ZFYVE28: variants seen among roughly 807,000 people sequenced by gnomAD.
ZFYVE28 encodes lateral signaling target protein 2 homolog.
In ZFYVE28, 40 loss-of-function variants were observed where a neutral mutation model predicts 82.1. The observed-to-expected ratio is 0.49, with a 90% CI of 0.38 to 0.63. The LOEUF (loss-of-function observed/expected upper bound fraction) is 0.63. Ranked by LOEUF, ZFYVE28 falls within the 30% of genes least tolerant of loss-of-function variation. The pLI is 0.00. For missense variants in ZFYVE28, 1,321 were observed against 1,242.1 expected, an observed-to-expected ratio of 1.06 and a Z score of -0.96; for synonymous variants, 612 against 546.1, an observed-to-expected ratio of 1.12 and a Z score of -1.68.
intron 1 of ZFYVE28, among the ~76,000 whole-genome samples, chr4:2,375,791 C>A (rs142230387): frequency 0.013 from 2,022 of 152,328 alleles, 20 homozygotes; most frequent in Middle Eastern, 0.034. Context: ...GCGATTGGAG[C>A]CCCAGATTTC....
At chr4:2,319,550 C>T (rs1416552717) in intron 7 of ZFYVE28, among the ~76,000 whole-genome samples, 2 of 152,152 alleles carry the variant, frequency 1.3e-5, no homozygotes, top group African/African-American at 4.8e-5. Context: ...CCAAGCTGTC[C>T]CAGGCCACAG....
At chr4:2,364,457 C>G in intron 1 of ZFYVE28, 6 of 985,488 alleles carry the variant, frequency 6.1e-6, no homozygotes, top group Non-Finnish European at 7.2e-6. Flanking sequence ...GGCAGCTTTA[C>G]GTTCAATTCA....
At chr4:2,353,515 G>A (rs916785956) in intron 2 of ZFYVE28, among the ~76,000 whole-genome samples, 3 of 152,148 alleles carry the variant, frequency 2.0e-5, no homozygotes, top group South Asian at 2.1e-4. Flanking sequence ...TATTTTTAGC[G>A]GCAGCTTCCA....
chr4:2,304,566 C>G lies in ZFYVE28; in HGVS notation c.1774G>C (p.Gly592Arg). The change falls in exon 8 of 13, where the codon GGT (glycine) becomes CGT (arginine). Residue 592 changes from glycine to arginine, a missense_variant. Gly to Arg is a moderately radical substitution (Grantham distance 125). Coordinates refer to ENST00000290974, the MANE Select transcript of ZFYVE28 (RefSeq NM_020972.3). ...GCTAAGCCGGCAGCGTACGAGGCAC[C>G]AATGACGCCTCCCGGGCTGCACTTC... is the stretch of plus-strand genomic sequence containing the variant. ...REKCSPGGVI[G>R]ASYAAGLAKA... 1 of 1,612,682 alleles carries G rather than the reference C, an allele frequency of 6.2e-7. No homozygotes were observed. Among genetic ancestry groups the G allele is most frequent in the African/African-American group, 1.3e-5 (1 of 75,066 alleles).
Position 2,353,991 on chromosome 4 carries a change from T to A in ZFYVE28, c.122A>T (p.Asp41Val). ...NQVAAELDSL[D>V]GRKDPQRCTL... ...GCACCGCTGGGGGTCCTTCCGCCCA[T>A]CCAGGCTGTCCAGCTCCGCGGCCAC... The change falls in exon 2 of 13, where the codon GAT becomes GTT. Residue 41 changes from aspartate (D) to valine (V), a missense_variant. This residue lies in a region of ZFYVE28 where 343 missense variants were observed against 408.4 expected (regional missense o/e 0.84). Coordinates refer to ENST00000290974, the MANE Select transcript of ZFYVE28 (RefSeq NM_020972.3). 6.3e-7 allele frequency: 1 copy of A among 1,586,582 alleles called. No homozygotes were observed. The highest frequency in any genetic ancestry group is 1.2e-5 in the South Asian group (1 of 86,816).
chr4:2,283,386 C>CAT (rs1712233971), intron 8 of ZFYVE28, among the ~76,000 whole-genome samples: 1 of 132,978 alleles, frequency 7.5e-6, no homozygotes, highest in Non-Finnish European at 1.6e-5. Flanking sequence ...CATCCATCCA[C>CAT]CCATCCACTC....
chr4:2,392,394 A>G (rs1177145105), intron 1 of ZFYVE28, among the ~76,000 whole-genome samples: 1 of 152,196 alleles, frequency 6.6e-6, no homozygotes, highest in Admixed American at 6.5e-5. Flanking sequence ...CTTTATCAGA[A>G]CAAACATGAC....
At position 2,305,206 on chromosome 4, in the gene ZFYVE28, G is replaced by A. The variant is rs780423742; in HGVS notation, c.1134C>T (p.Ser378=). 2 of 1,605,356 alleles carry A rather than the reference G, an allele frequency of 1.2e-6. No homozygotes were observed. Among genetic ancestry groups the A allele is most frequent in the African/African-American group, 1.3e-5 (1 of 74,924 alleles). Residue 378 remains serine (S), a synonymous_variant, in exon 8 of 13, where the codon AGC becomes AGT. Coordinates refer to ENST00000290974, the MANE Select transcript of ZFYVE28 (RefSeq NM_020972.3). ...SPAHRPGAEG[S]PGGEASPGRP... The stretch of plus-strand genomic sequence containing the variant: ...TACCTGGAGAGGCCTCCCCGCCTGG[G>A]CTGCCCTCCGCTCCTGGCCTGTGAG...
At chr4:2,413,889 T>C (rs1578437102) in intron 1 of ZFYVE28, among the ~76,000 whole-genome samples, 1 of 152,172 alleles carries the variant, frequency 6.6e-6, no homozygotes, top group Non-Finnish European at 1.5e-5. Flanking sequence ...CCAAGACCCC[T>C]CCCACAGCCT....
chr4:2,292,396 G>C (rs1210704049), intron 8 of ZFYVE28, among the ~76,000 whole-genome samples: 1 of 152,186 alleles, frequency 6.6e-6, no homozygotes, highest in Non-Finnish European at 1.5e-5. Context: ...TCGAGGGGCA[G>C]ACAGGGACAG....
At chr4:2,407,939 C>G (rs1224175732) in intron 1 of ZFYVE28, among the ~76,000 whole-genome samples, 2 of 152,188 alleles carry the variant, frequency 1.3e-5, no homozygotes, top group African/African-American at 4.8e-5. Context: ...TTACGCATGC[C>G]AGGGAGTGTG....
chr4:2,354,175 C>T, intron 1 of ZFYVE28, 102 bp from the exon 2 acceptor site: 4 of 1,262,868 alleles, frequency 3.2e-6, no homozygotes, highest in East Asian at 3.1e-5. Context: ...CAGCCTGGGA[C>T]CTTCCACCCT....
rs1194601047 is a variant in ZFYVE28, at chr4:2,332,505, T to G, written c.701+3200A>C. Among the ~76,000 whole-genome samples, 1 of 152,144 alleles carries G rather than the reference T, an allele frequency of 6.6e-6. No individual in the cohort carries two copies. The highest frequency in any genetic ancestry group is 1.5e-5 in the Non-Finnish European group (1 of 68,016). ...TGGGGTCCCTGCACTGAGTCCCCCT[T>G]CCAGCATCCAGAACATTCCACAGCA... On this transcript the variant is annotated intron_variant, in intron 6 of 12. Coordinates refer to ENST00000290974, the MANE Select transcript of ZFYVE28 (RefSeq NM_020972.3). The surrounding 1 kb of genome is among the most constrained non-coding windows in gnomAD (Gnocchi z 4.7).
At chr4:2,275,888 C>A (rs544172286) in intron 8 of ZFYVE28, among the ~76,000 whole-genome samples, 1 of 152,252 alleles carries the variant, frequency 6.6e-6, no homozygotes, top group Non-Finnish European at 1.5e-5. Context: ...GGGCAGGATC[C>A]CAAGTCCGCC....
intron 1 of ZFYVE28, among the ~76,000 whole-genome samples, chr4:2,381,971 C>T (rs1728772163): frequency 6.6e-6 from 1 of 152,246 alleles, no homozygotes; most frequent in African/African-American, 2.4e-5. Flanking sequence ...GCTGCTCCAG[C>T]CATGGCTGAA....
intron 8 of ZFYVE28, among the ~76,000 whole-genome samples, chr4:2,302,452 C>T (rs895661702): frequency 6.6e-6 from 1 of 152,222 alleles, no homozygotes; most frequent in African/African-American, 2.4e-5. Flanking sequence ...ACGAGTGGGG[C>T]ATGCCCTAAG....
In ZFYVE28 at chr4:2,304,761, G is replaced by C. The variant is rs763932763; in HGVS notation, c.1579C>G (p.Leu527Val). ...TCCTGGGTGGCGACCGCAGAGTCCA[G>C]GGAAGTGGGCGATTTGGGGTTGAAG... ...VIFNPKSPTS[L>V]DSAVATQEAA... Residue 527 changes from leucine to valine, a missense_variant, in exon 8 of 13, where the codon CTG (leucine) becomes GTG (valine). Transcript: ENST00000290974. 4.3e-6 allele frequency: 7 copies of C among 1,612,594 alleles called. No homozygotes were observed. Among genetic ancestry groups the C allele is most frequent in the Admixed American group, 1.7e-5 (1 of 60,006 alleles).
intron 1 of ZFYVE28, among the ~76,000 whole-genome samples, chr4:2,404,095 C>A (rs181377051): frequency 6.6e-6 from 1 of 151,654 alleles, no homozygotes; most frequent in Non-Finnish European, 1.5e-5. Flanking sequence ...CTGAGACGGG[C>A]GGATCACGAG....
intron 5 of ZFYVE28, 74 bp downstream of exon 5, chr4:2,337,333 C>G: frequency 7.2e-7 from 1 of 1,391,618 alleles, no homozygotes; most frequent in East Asian, 2.6e-5. Context: ...CAGAGCTGCC[C>G]TCTGCCCCGG....
Sources: gnomAD v4.1 joint callset for allele counts (sites outside exome capture counted in the v4.1 genomes callset) on GRCh38, gnomAD v4.1.1 for gene constraint, gnomAD v4.1.1 regional missense constraint, Gnocchi (gnomAD v3.1) non-coding constraint, MANE v1.5 for transcripts, NCBI Gene and HGNC (gene_info 2026-07-23, HGNC 2026-07-21) for gene names.